ARHGAP15: variants seen among roughly 807,000 people sequenced by gnomAD.
ARHGAP15 encodes the protein Rho GTPase activating protein 15.
Under a neutral mutation model 63.7 loss-of-function variants are expected in ARHGAP15, and 51 were observed. The observed-to-expected ratio is 0.80, with a 90% CI of 0.64 to 1.01. The LOEUF (loss-of-function observed/expected upper bound fraction) is 1.01. Among genes scored for constraint, ARHGAP15 ranks in the 50% least tolerant of loss-of-function variants. The pLI, the probability that ARHGAP15 is intolerant of heterozygous loss-of-function variation, is 0.00. For missense variants in ARHGAP15, 560 were observed against 564.6 expected, an observed-to-expected ratio of 0.99 and a Z score of 0.08; for synonymous variants, 191 against 193.8, an observed-to-expected ratio of 0.99 and a Z score of 0.12.
At chr2:143,380,793 A>G (rs1282251717) in intron 6 of ARHGAP15, among the ~76,000 whole-genome samples, 1 of 152,184 alleles carries the variant, frequency 6.6e-6, no homozygotes, top group East Asian at 1.9e-4. Context: ...ATACTGGGAT[A>G]TAAACTTTAC....
At chr2:143,310,896 C>T (rs1301501621) in intron 6 of ARHGAP15, among the ~76,000 whole-genome samples, 2 of 151,844 alleles carry the variant, frequency 1.3e-5, no homozygotes, top group African/African-American at 4.8e-5. Flanking sequence ...ATTAATGATT[C>T]CTATATGGTA....
chr2:143,318,910 C>A (rs190465997), intron 6 of ARHGAP15, among the ~76,000 whole-genome samples: 31 of 152,172 alleles, frequency 2.0e-4, no homozygotes, highest in African/African-American at 6.7e-4. Context: ...AACCATTGAC[C>A]AATAAGCATT....
intron 6 of ARHGAP15, among the ~76,000 whole-genome samples, chr2:143,392,783 A>G (rs1415226313): frequency 6.6e-6 from 1 of 152,190 alleles, no homozygotes; most frequent in Non-Finnish European, 1.5e-5. Flanking sequence ...TATGTCTCTA[A>G]TGATATAATC....
intron 6 of ARHGAP15, among the ~76,000 whole-genome samples, chr2:143,390,239 A>G (rs1443902850): frequency 6.6e-6 from 1 of 152,142 alleles, no homozygotes; most frequent in East Asian, 1.9e-4. Context: ...CATAAACGTT[A>G]CATGGCTGGT....
intron 6 of ARHGAP15, among the ~76,000 whole-genome samples, chr2:143,332,824 A>G (rs1429462524): frequency 6.6e-6 from 1 of 152,168 alleles, no homozygotes; most frequent in African/African-American, 2.4e-5. Flanking sequence ...ACTTCAGGCA[A>G]TGATAAGAAT....
intron 8 of ARHGAP15, among the ~76,000 whole-genome samples, chr2:143,451,417 T>C (rs950051630): frequency 6.6e-6 from 1 of 151,912 alleles, no homozygotes; most frequent in Non-Finnish European, 1.5e-5. Flanking sequence ...AGAGGAAAAC[T>C]GCCACTGAAA....
intron 8 of ARHGAP15, chr2:143,480,707 C>T (rs927940005): frequency 3.3e-5 from 5 of 152,200 alleles, no homozygotes; most frequent in Non-Finnish European, 7.3e-5. Flanking sequence ...AAATGACCAA[C>T]AGTACATTAA....
chr2:143,459,647 A>T (rs185538804), intron 8 of ARHGAP15, among the ~76,000 whole-genome samples: 5,325 of 152,022 alleles, frequency 0.035, 306 homozygotes, highest in African/African-American at 0.11. Context: ...TTAATTTTTT[A>T]AAAAAAAGAT....
At chr2:143,685,418 CAA>C (rs1683290448) in intron 12 of ARHGAP15, among the ~76,000 whole-genome samples, 1 of 152,092 alleles carries the variant, frequency 6.6e-6, no homozygotes. Flanking sequence ...CTAGGAAAGC[CAA>C]ATAATGAAAA....
At chr2:143,217,636 CAGG>C (rs1463974001) in intron 4 of ARHGAP15, among the ~76,000 whole-genome samples, 2 of 152,064 alleles carry the variant, frequency 1.3e-5, no homozygotes, top group African/African-American at 4.8e-5. Flanking sequence ...GAAGGAACAA[CAGG>C]AGGAAGTCTT....
At chr2:143,470,998 G>A (rs1457063856) in intron 8 of ARHGAP15, among the ~76,000 whole-genome samples, 3 of 100,522 alleles carry the variant, frequency 3.0e-5, no homozygotes, top group African/African-American at 8.2e-5. Flanking sequence ...ATATACATGT[G>A]TGTATAGATA....
intron 12 of ARHGAP15, among the ~76,000 whole-genome samples, chr2:143,626,765 G>A (rs1298323102): frequency 1.3e-5 from 2 of 152,082 alleles, no homozygotes; most frequent in African/African-American, 4.8e-5. Context: ...TGATTGGTGC[G>A]TTTTTACAAT....
chr2:143,469,146 T>C (rs1691393698), intron 8 of ARHGAP15, among the ~76,000 whole-genome samples: 1 of 152,152 alleles, frequency 6.6e-6, no homozygotes, highest in South Asian at 2.1e-4. Context: ...AAGCACAGAC[T>C]ATAAACTTCA....
At chr2:143,394,068 T>C (rs915215982) in intron 6 of ARHGAP15, among the ~76,000 whole-genome samples, 15 of 152,322 alleles carry the variant, frequency 9.8e-5, no homozygotes, top group African/African-American at 3.6e-4. Flanking sequence ...AGGCTATTAA[T>C]TATTGGTGCA....
intron 6 of ARHGAP15, among the ~76,000 whole-genome samples, chr2:143,291,098 G>T (rs531089583): frequency 6.6e-6 from 1 of 152,186 alleles, no homozygotes; most frequent in South Asian, 2.1e-4. Context: ...ATTTTTAAGA[G>T]AATTATTGAG....
At chr2:143,736,383 C>T (rs576981207) in intron 13 of ARHGAP15, among the ~76,000 whole-genome samples, 14 of 147,886 alleles carry the variant, frequency 9.5e-5, no homozygotes, top group East Asian at 3.9e-4. Flanking sequence ...GCAACAAGAG[C>T]GAAACTCTGT....
chr2:143,377,898 G>T (rs1308192925), intron 6 of ARHGAP15, among the ~76,000 whole-genome samples: 1 of 151,902 alleles, frequency 6.6e-6, no homozygotes, highest in Non-Finnish European at 1.5e-5. Flanking sequence ...ATCTCTCTCT[G>T]ATTTAAATAG....
intron 13 of ARHGAP15, among the ~76,000 whole-genome samples, chr2:143,744,395 A>G (rs566364160): frequency 6.6e-6 from 1 of 152,372 alleles, no homozygotes; most frequent in African/African-American, 2.4e-5. Flanking sequence ...CACTTCATCC[A>G]TAAAGAAAAG....
intron 10 of ARHGAP15, among the ~76,000 whole-genome samples, chr2:143,535,915 C>T (rs375750492): frequency 2.0e-4 from 30 of 151,798 alleles, no homozygotes; most frequent in Admixed American, 6.6e-4. Flanking sequence ...ATATATAAAA[C>T]GTCTTAGTTT....
Sources: allele counts gnomAD v4.1 joint callset (sites outside exome capture counted in the v4.1 genomes callset), GRCh38; gene constraint gnomAD v4.1.1; transcripts MANE v1.5; gene names NCBI Gene and HGNC (gene_info 2026-07-23, HGNC 2026-07-21).